CTXND1: variants seen among roughly 807,000 people sequenced by gnomAD.
CTXND1 encodes cortexin domain-containing 1 protein.
At chr15:80,204,261 C>G (rs1190219396) in intron 1 of CTXND1, among the ~76,000 whole-genome samples, 1 of 140,738 alleles carries the variant, frequency 7.1e-6, no homozygotes, top group Non-Finnish European at 1.5e-5. Flanking sequence ...AAAATGTGAC[C>G]ACATACACAT....
Position 80,220,912 on chromosome 15 carries a change from ATTTT to A in CTXND1, c.-217-17176_-217-17173del, listed in dbSNP as rs68162303. On this transcript the variant is annotated intron_variant, in intron 1 of 2. Coordinates refer to ENST00000560778, the MANE Select transcript of CTXND1 (RefSeq NM_001352888.2). ...TAATTAATTTATTATTATTATTATT[ATTTT>A]TTTTTTTTTTGAGACAGAGTCTCGC... Among the ~76,000 whole-genome samples the A allele has an allele frequency of 7.7e-4, 109 of 141,616 alleles. 1 individual carries two copies. Among genetic ancestry groups the A allele is most frequent in the African/African-American group, 2.5e-3 (99 of 39,476 alleles). 92.9% of individuals were successfully genotyped at this position (141,616 alleles called of 152,430 possible).
intron 1 of CTXND1, among the ~76,000 whole-genome samples, chr15:80,238,650 A>C (rs934311601): frequency 4.6e-5 from 7 of 152,012 alleles, no homozygotes; most frequent in African/African-American, 1.4e-4. Context: ...ACGCCCAGCT[A>C]ATTTTTAGTA....
intron 1 of CTXND1, among the ~76,000 whole-genome samples, chr15:80,216,547 C>G (rs774590606): frequency 6.6e-6 from 1 of 152,176 alleles, no homozygotes; most frequent in Non-Finnish European, 1.5e-5. Flanking sequence ...TATGGATCAT[C>G]ATTTAATATA....
At chr15:80,215,758 A>G (rs1353793363) in intron 1 of CTXND1, among the ~76,000 whole-genome samples, 1 of 152,208 alleles carries the variant, frequency 6.6e-6, no homozygotes, top group Non-Finnish European at 1.5e-5. Flanking sequence ...AGCCCAACTC[A>G]GCAGTGGCCC....
At chr15:80,211,279 T>G (rs1893201924) in intron 1 of CTXND1, among the ~76,000 whole-genome samples, 1 of 152,240 alleles carries the variant, frequency 6.6e-6, no homozygotes, top group South Asian at 2.1e-4. Context: ...AACAGTACGC[T>G]GCAGCGACAT....
At position 80,198,396 on chromosome 15, in the gene CTXND1, C is replaced by T. The variant is rs898267993; in HGVS notation, c.*3374G>A. 1 of 152,244 alleles carries T rather than the reference C, an allele frequency of 6.6e-6. No homozygotes were observed. Among genetic ancestry groups the T allele is most frequent in the African/African-American group, 2.4e-5 (1 of 41,460 alleles). The allele number at this position is 152,244 out of a possible 1,614,324, so 9.4% of individuals were successfully genotyped here. ...GGGTTGTGGCTACCTTCACAGGCCTCCCATTCTCTAAATGCTTTTCATTTC... is the reference window on the plus strand; with the variant it reads ...GGGTTGTGGCTACCTTCACAGGCCTTCCATTCTCTAAATGCTTTTCATTTC... On this transcript the variant is annotated 3_prime_UTR_variant, in exon 3 of 3. Coordinates refer to ENST00000560778, the MANE Select transcript of CTXND1 (RefSeq NM_001352888.2).
At chr15:80,232,249 C>T (rs1893439600) in intron 1 of CTXND1, among the ~76,000 whole-genome samples, 1 of 152,098 alleles carries the variant, frequency 6.6e-6, no homozygotes, top group African/African-American at 2.4e-5. Flanking sequence ...CCCTTGGCTT[C>T]TGCATACCTC....
In CTXND1 at chr15:80,228,648, G is replaced by A. The variant is rs868768913; in HGVS notation, c.-218+23359C>T. 1.2e-4 allele frequency among the ~76,000 whole-genome samples: 3 copies of A among 24,714 alleles called. No homozygotes were observed. In the South Asian group the frequency reaches 7.2e-3, roughly 59 times the overall value. The allele number at this position is 24,714 out of a possible 152,430, so 16.2% of individuals were successfully genotyped here. On this transcript the variant is annotated intron_variant, in intron 1 of 2. Coordinates refer to ENST00000560778, the MANE Select transcript of CTXND1 (RefSeq NM_001352888.2). ...ACAAAATCTGAAACTTTTTTTTTTG[G>A]AGACACAGTCTTGCTCTGTCACCCA...
intron 1 of CTXND1, among the ~76,000 whole-genome samples, chr15:80,234,308 A>G (rs1281829703): frequency 6.6e-6 from 1 of 152,046 alleles, no homozygotes; most frequent in Non-Finnish European, 1.5e-5. Context: ...CCAATTATTA[A>G]ATATGTTTTA....
At chr15:80,245,706 C>T (rs1433944282) in intron 1 of CTXND1, among the ~76,000 whole-genome samples, 1 of 152,174 alleles carries the variant, frequency 6.6e-6, no homozygotes, top group African/African-American at 2.4e-5. Context: ...TTTAAAGCCA[C>T]TCTGAGGCTC....
At chr15:80,242,833 A>C (rs575560662) in intron 1 of CTXND1, among the ~76,000 whole-genome samples, 19 of 152,178 alleles carry the variant, frequency 1.2e-4, no homozygotes, top group Non-Finnish European at 2.6e-4. Context: ...CACAGCCTCC[A>C]CCACTCCCTA....
chr15:80,244,990 GAATTC>G (rs1335024273), intron 1 of CTXND1, among the ~76,000 whole-genome samples: 3 of 152,154 alleles, frequency 2.0e-5, no homozygotes, highest in African/African-American at 7.2e-5. Context: ...TGACTTGGGT[GAATTC>G]ATTCACCAAT....
Position 80,227,375 on chromosome 15 carries a change from TA to T in CTXND1, c.-217-23636del, listed in dbSNP as rs763330449. ...TTAAATAGTCATCCAGTTTTCTCAC[TA>T]GGGGTGATTTCAATGATAAACATGA... On this transcript the variant is annotated intron_variant, in intron 1 of 2. Transcript: ENST00000560778. Among the ~76,000 whole-genome samples, 34 of 152,294 alleles carry T rather than the reference TA, an allele frequency of 2.2e-4. 2 individuals carry two copies. The highest frequency in any genetic ancestry group is 1.2e-3 in the Admixed American group (18 of 15,298).
rs1156645778 is a variant in CTXND1 at position 80,252,048 on chromosome 15, GC to G, written c.-260del. ...CGTGCGCTCCCGGGGTCCTGGCTGG[GC>G]CGGCGCCGAGCCCAGGGCGACCGCG... is the stretch of plus-strand genomic sequence containing the variant. On this transcript the variant is annotated 5_prime_UTR_variant, in exon 1 of 3. Transcript: ENST00000560778. The G allele has an allele frequency of 6.6e-6, 1 of 151,650 alleles. No homozygotes were observed. The highest frequency in any genetic ancestry group is 1.5e-5 in the Non-Finnish European group (1 of 67,876). The allele number at this position is 151,650 out of a possible 1,614,324, so 9.4% of individuals were successfully genotyped here.
At chr15:80,243,738 C>G (rs963628693) in intron 1 of CTXND1, among the ~76,000 whole-genome samples, 3 of 152,208 alleles carry the variant, frequency 2.0e-5, no homozygotes. Context: ...GTGGCTGTCT[C>G]ACATTGGACT....
chr15:80,239,601 C>A (rs1327750424), intron 1 of CTXND1, among the ~76,000 whole-genome samples: 1 of 152,242 alleles, frequency 6.6e-6, no homozygotes, highest in Non-Finnish European at 1.5e-5. Flanking sequence ...CGGACTGGCT[C>A]TCCTTGTTCC....
chr15:80,218,297 G>A (rs541258234), intron 1 of CTXND1, among the ~76,000 whole-genome samples: 2 of 152,058 alleles, frequency 1.3e-5, no homozygotes, highest in East Asian at 1.9e-4. Context: ...CACCACACCT[G>A]GCAATGTTTT....
intron 1 of CTXND1, among the ~76,000 whole-genome samples, chr15:80,244,403 C>G (rs1893606029): frequency 3.9e-5 from 6 of 152,204 alleles, no homozygotes; most frequent in Admixed American, 3.9e-4. Flanking sequence ...AGGCACAGCC[C>G]AACACAGGGT....
intron 1 of CTXND1, among the ~76,000 whole-genome samples, chr15:80,217,785 A>G (rs975585033): frequency 1.3e-5 from 2 of 152,090 alleles, no homozygotes; most frequent in Non-Finnish European, 2.9e-5. Flanking sequence ...GAGCTCGAGC[A>G]ATCTGCCTAC....
Sources: allele counts gnomAD v4.1 joint callset (sites outside exome capture counted in the v4.1 genomes callset), GRCh38; gene constraint gnomAD v4.1.1; transcripts MANE v1.5; gene names NCBI Gene and HGNC (gene_info 2026-07-23, HGNC 2026-07-21).